KCNE3: variants seen among roughly 807,000 people sequenced by gnomAD.
The protein encoded by KCNE3 is potassium voltage-gated channel subfamily E member 3.
Under a neutral mutation model 4.3 loss-of-function variants are expected in KCNE3, and 2 were observed. The observed-to-expected ratio is 0.47, with a 90% confidence interval of 0.19 to 1.48. The LOEUF is 1.48. Among genes scored for constraint, KCNE3 ranks in the 40% most tolerant of loss-of-function variants. KCNE3 has a pLI of 0.25. For missense variants in KCNE3, 128 were observed against 136.8 expected (o/e 0.94, Z 0.32); for synonymous variants, 47 against 52.0 (o/e 0.90, Z 0.41).
chr11:74,464,003 G>A (rs1864009726), intron 1 of KCNE3, among the ~76,000 whole-genome samples: 1 of 152,186 alleles, frequency 6.6e-6, no homozygotes, highest in Admixed American at 6.5e-5. Context: ...CTTGGGAGGA[G>A]GAGTTAGACT....
At position 74,456,974 on chromosome 11, in the gene KCNE3, C is replaced by T. The variant is rs1214152258; in HGVS notation, c.*278G>A. On this transcript the variant is annotated 3_prime_UTR_variant, in exon 3 of 3. Coordinates refer to ENST00000310128, the MANE Select transcript of KCNE3 (RefSeq NM_005472.5). ...GGCCCCTAATACTCCAGCCACTGAA[C>T]CAGTTATTGGTCATTATCTGTTGCT... 6.2e-6 allele frequency: 3 copies of T among 483,852 alleles called. No individual in the cohort carries two copies. Among genetic ancestry groups the T allele is most frequent in the Non-Finnish European group, 1.1e-5 (3 of 265,806 alleles). 30.0% of individuals were successfully genotyped at this position (483,852 alleles called of 1,614,324 possible). A position where few individuals can be genotyped will look rare whatever the true frequency, so the allele number is the denominator to read the frequency against.
chr11:74,460,265 G>T (rs185371594), intron 2 of KCNE3, among the ~76,000 whole-genome samples: 1 of 152,322 alleles, frequency 6.6e-6, no homozygotes, highest in East Asian at 1.9e-4. Context: ...CATGTGTCAG[G>T]CAAGAACTCT....
rs976125449 is a variant in KCNE3 at position 74,457,308 on chromosome 11, C to T, written c.256G>A (p.Asp86Asn). ...ILGYTRSRKV[D>N]KRSDPYHVYI... ...ACATGATAGGGGTCACTACGCTTGT[C>T]CACTTTGCGGGAGCGGGTGTATCCC... The change falls in exon 3 of 3, where the codon GAC becomes AAC. Residue 86 changes from aspartate to asparagine, a missense_variant. By Grantham distance (23) the Asp-to-Asn change is conservative. Coordinates refer to ENST00000310128, the MANE Select transcript of KCNE3 (RefSeq NM_005472.5). 1 of 1,614,054 alleles carries T rather than the reference C, an allele frequency of 6.2e-7. No individual in the cohort carries two copies. The highest frequency in any genetic ancestry group is 1.1e-5 in the South Asian group (1 of 91,078).
intron 1 of KCNE3, chr11:74,464,388 GAC>G (rs1284405922): frequency 1.3e-5 from 2 of 152,268 alleles, no homozygotes; most frequent in Non-Finnish European, 2.9e-5. Flanking sequence ...GTGATCCAAA[GAC>G]AGTTCCTGGG....
intron 2 of KCNE3, among the ~76,000 whole-genome samples, chr11:74,459,641 G>A (rs1863907465): frequency 6.6e-6 from 1 of 152,028 alleles, no homozygotes; most frequent in Non-Finnish European, 1.5e-5. Flanking sequence ...ACTTCCTTTA[G>A]GAAGCCTCCA....
rs1219210493 is a variant in KCNE3 at position 74,467,223 on chromosome 11, C to A, written c.-190+175G>T. On this transcript the variant is annotated intron_variant, in intron 1 of 2. Transcript: ENST00000310128. The surrounding 1 kb of genome is among the most constrained non-coding windows in gnomAD (Gnocchi z 4.4). The stretch of plus-strand genomic sequence containing the variant: ...CCACGATCACTGCGCTCGGGAGGAT[C>A]GGGGAGGATCCGGGAGGACTAGCTT... Among the ~76,000 whole-genome samples, 5 of 152,074 alleles carry A rather than the reference C, an allele frequency of 3.3e-5. No individual in the cohort carries two copies. The highest frequency in any genetic ancestry group is 7.4e-5 in the Non-Finnish European group (5 of 68,008).
At chr11:74,463,739 G>A (rs1864003599) in intron 1 of KCNE3, among the ~76,000 whole-genome samples, 1 of 152,160 alleles carries the variant, frequency 6.6e-6, no homozygotes, top group Non-Finnish European at 1.5e-5. Context: ...GAAGGGAGAA[G>A]TGACTAGTCC....
intron 1 of KCNE3, among the ~76,000 whole-genome samples, chr11:74,465,929 C>T (rs761049421): frequency 6.6e-6 from 1 of 152,142 alleles, no homozygotes; most frequent in Non-Finnish European, 1.5e-5. Flanking sequence ...GTCTCCTTTC[C>T]CACTCCAGGT....
chr11:74,460,422 G>A (rs1162280126), intron 2 of KCNE3, among the ~76,000 whole-genome samples: 2 of 152,180 alleles, frequency 1.3e-5, no homozygotes, highest in East Asian at 1.9e-4. Context: ...CAGTGCCTTC[G>A]CCCAGGGGCT....
chr11:74,457,396 G>A lies in KCNE3; in HGVS notation c.168C>T (p.Asn56=), dbSNP rs545135414. The A allele has an allele frequency of 1.2e-6, 2 of 1,614,060 alleles. No individual in the cohort carries two copies. The highest frequency in any genetic ancestry group is 2.2e-5 in the South Asian group (2 of 91,082). Residue 56 remains asparagine (N), a synonymous_variant, in exon 3 of 3, where the codon AAC becomes AAT. Coordinates refer to ENST00000310128, the MANE Select transcript of KCNE3 (RefSeq NM_005472.5). ...RRASLPGRDD[N]SYMYILFVMF... ...TGACAAAGAGAATGTACATGTAGGA[G>A]TTGTCATCACGGCCAGGTAGGCTGG... is the stretch of plus-strand genomic sequence containing the variant.
intron 1 of KCNE3, chr11:74,462,360 C>T (rs1199869530): frequency 6.6e-6 from 1 of 152,292 alleles, no homozygotes; most frequent in East Asian, 1.9e-4. Flanking sequence ...AGTGTCTTCA[C>T]TGGGTGACTT....
At chr11:74,464,806 T>C (rs1423491877) in intron 1 of KCNE3, among the ~76,000 whole-genome samples, 1 of 152,240 alleles carries the variant, frequency 6.6e-6, no homozygotes, top group African/African-American at 2.4e-5. Flanking sequence ...CCCACAGCTC[T>C]TTTCAGTGGC....
At chr11:74,458,226 T>A (rs142572251) in intron 2 of KCNE3, among the ~76,000 whole-genome samples, 2 of 152,358 alleles carry the variant, frequency 1.3e-5, no homozygotes, top group East Asian at 3.9e-4. Flanking sequence ...CAACAAAGCC[T>A]TCCCTGACCA....
At position 74,455,555 on chromosome 11, in the gene KCNE3, A is replaced by G. The variant is rs1444338633; in HGVS notation, c.*1697T>C. On this transcript the variant is annotated 3_prime_UTR_variant, in exon 3 of 3. Transcript: ENST00000310128. Reference sequence around the variant, plus strand: ...TAGAGACTTTCAAGTCTATTTCATTATGTTGAAGAGGAAAACGGATGAGGG... The same window carrying G: ...TAGAGACTTTCAAGTCTATTTCATTGTGTTGAAGAGGAAAACGGATGAGGG... The G allele has an allele frequency of 6.6e-6, 1 of 152,180 alleles. No individual in the cohort carries two copies. The highest frequency in any genetic ancestry group is 1.5e-5 in the Non-Finnish European group (1 of 68,024). The allele number at this position is 152,180 out of a possible 1,614,324, so 9.4% of individuals were successfully genotyped here. A position where few individuals can be genotyped will look rare whatever the true frequency, so the allele number is the denominator to read the frequency against.
intron 1 of KCNE3, among the ~76,000 whole-genome samples, chr11:74,465,112 GTGTGTGTGTGTGTA>G (rs945344230): frequency 2.0e-5 from 3 of 151,566 alleles, no homozygotes; most frequent in African/African-American, 4.9e-5. Flanking sequence ...CTGTGTGTGT[GTGTGTGTGTGTGTA>G]TGTGTGTGTG....
chr11:74,463,372 G>A lies in KCNE3; in HGVS notation c.-189-1269C>T, dbSNP rs41312353. 6.1e-3 allele frequency among the ~76,000 whole-genome samples: 930 copies of A among 152,212 alleles called. 7 individuals carry two copies. Among genetic ancestry groups the A allele is most frequent in the African/African-American group, 0.021 (879 of 41,520 alleles). On this transcript the variant is annotated intron_variant, in intron 1 of 2. Transcript: ENST00000310128. ...ATGGGAGGGAAGGCTGGGGTGCCAG[G>A]GCCTCCTGTCTGCGTTAGGAGAGGC...
chr11:74,455,377 A>T lies in KCNE3; in HGVS notation c.*1875T>A, dbSNP rs913384130. ...TAGCTGAGATCTGGGATAGTTTCTG[A>T]ATTCAGAAGTGTTCACCAGCCACAT... On this transcript the variant is annotated 3_prime_UTR_variant, in exon 3 of 3. Transcript: ENST00000310128. The T allele has an allele frequency of 2.0e-5, 3 of 152,226 alleles. No homozygotes were observed. Among genetic ancestry groups the T allele is most frequent in the Admixed American group, 6.5e-5 (1 of 15,272 alleles). 9.4% of individuals were successfully genotyped at this position (152,226 alleles called of 1,614,324 possible). A position where few individuals can be genotyped will look rare whatever the true frequency, so the allele number is the denominator to read the frequency against.
At chr11:74,465,434 A>G (rs147147930) in intron 1 of KCNE3, among the ~76,000 whole-genome samples, 9 of 152,322 alleles carry the variant, frequency 5.9e-5, no homozygotes, top group Admixed American at 2.0e-4. Flanking sequence ...CAGAGGAGGA[A>G]GAATTCTAAG....
At chr11:74,462,753 G>A (rs542712237) in intron 1 of KCNE3, 2 of 152,354 alleles carry the variant, frequency 1.3e-5, no homozygotes, top group South Asian at 4.1e-4. Flanking sequence ...CTCACTTTAC[G>A]GTGAAGGAAA....
Sources: gnomAD v4.1 joint callset for allele counts (sites outside exome capture counted in the v4.1 genomes callset) on GRCh38, gnomAD v4.1.1 for gene constraint, Gnocchi (gnomAD v3.1) non-coding constraint, MANE v1.5 for transcripts, NCBI Gene and HGNC (gene_info 2026-07-23, HGNC 2026-07-21) for gene names.